RASGRF2: variants seen among roughly 807,000 people sequenced by gnomAD.
RASGRF2 encodes the protein ras-specific guanine nucleotide-releasing factor 2.
In RASGRF2, 76 loss-of-function variants were observed where a neutral mutation model predicts 151.0. The ratio of observed to expected loss-of-function variants is 0.50; its 90% CI spans 0.42 to 0.61. The LOEUF is 0.61. Ranked by LOEUF, RASGRF2 falls within the 20% of genes least tolerant of loss-of-function variation. The pLI, the probability that RASGRF2 is intolerant of heterozygous loss-of-function variation, is 0.00. For synonymous variants in RASGRF2, 504 were observed against 566.5 expected (o/e 0.89, Z 1.57); for missense variants, 1,148 against 1,564.6 (o/e 0.73, Z 4.49).
chr5:81,074,329 A>G (rs577433004), intron 5 of RASGRF2, among the ~76,000 whole-genome samples: 96 of 152,306 alleles, frequency 6.3e-4, no homozygotes, highest in Admixed American at 1.5e-3. Context: ...AGGGAATGGG[A>G]GAAGGGGGTC....
intron 15 of RASGRF2, among the ~76,000 whole-genome samples, chr5:81,116,064 T>TTC: frequency 8.7e-6 from 1 of 115,082 alleles, no homozygotes; most frequent in African/African-American, 3.8e-5. Flanking sequence ...TGAATGCCAT[T>TTC]TCTTTTTTTT....
At chr5:80,999,311 C>T (rs948569528) in intron 1 of RASGRF2, among the ~76,000 whole-genome samples, 7 of 152,008 alleles carry the variant, frequency 4.6e-5, no homozygotes, top group Non-Finnish European at 8.8e-5. Flanking sequence ...CCCAGAGCCA[C>T]CTCTCTCCTT....
At chr5:81,194,976 G>T (rs77519616) in intron 18 of RASGRF2, among the ~76,000 whole-genome samples, 1 of 152,170 alleles carries the variant, frequency 6.6e-6, no homozygotes, top group Non-Finnish European at 1.5e-5. Context: ...AGAGCAGGGC[G>T]GTTTCTTCGT....
chr5:80,964,350 G>T (rs924406425), intron 1 of RASGRF2, among the ~76,000 whole-genome samples: 2 of 152,164 alleles, frequency 1.3e-5, no homozygotes, highest in South Asian at 4.2e-4. Flanking sequence ...AAAACCTCCC[G>T]TTTTGTTCCA....
chr5:81,014,897 C>T (rs1279390199), intron 1 of RASGRF2, among the ~76,000 whole-genome samples: 1 of 151,740 alleles, frequency 6.6e-6, no homozygotes, highest in Non-Finnish European at 1.5e-5. Context: ...GTATAGATTC[C>T]TCTATAAAAA....
At chr5:81,007,500 T>C (rs1749310796) in intron 1 of RASGRF2, among the ~76,000 whole-genome samples, 1 of 152,096 alleles carries the variant, frequency 6.6e-6, no homozygotes, top group South Asian at 2.1e-4. Flanking sequence ...ACCAAGTGTT[T>C]AGAGAGCCCT....
At chr5:81,052,577 G>C (rs1463717015) in intron 2 of RASGRF2, among the ~76,000 whole-genome samples, 4 of 152,206 alleles carry the variant, frequency 2.6e-5, no homozygotes, top group Non-Finnish European at 4.4e-5. Context: ...TGTCAGTAGA[G>C]AGAAGACATT....
chr5:81,011,265 A>C (rs547755357), intron 1 of RASGRF2, among the ~76,000 whole-genome samples: 37 of 151,830 alleles, frequency 2.4e-4, no homozygotes, highest in African/African-American at 8.5e-4. Context: ...ATGTTGGTAC[A>C]TGTAGATCTA....
chr5:81,162,097 C>G (rs1754397940), intron 17 of RASGRF2, among the ~76,000 whole-genome samples: 1 of 151,588 alleles, frequency 6.6e-6, no homozygotes, highest in African/African-American at 2.4e-5. Context: ...CTCAAAAGTG[C>G]CTGATTTACT....
intron 1 of RASGRF2, among the ~76,000 whole-genome samples, chr5:80,988,369 T>C (rs1283255631): frequency 2.0e-5 from 3 of 152,134 alleles, no homozygotes; most frequent in African/African-American, 7.2e-5. Flanking sequence ...CTTTAATTAG[T>C]CTGCAAAGTC....
intron 5 of RASGRF2, among the ~76,000 whole-genome samples, chr5:81,077,022 A>G (rs1409100166): frequency 1.3e-5 from 2 of 152,214 alleles, no homozygotes; most frequent in Non-Finnish European, 2.9e-5. Context: ...TTGAAGCTGT[A>G]TACAAGGAAG....
intron 2 of RASGRF2, among the ~76,000 whole-genome samples, chr5:81,055,064 A>G (rs372305586): frequency 1.3e-5 from 2 of 152,178 alleles, no homozygotes; most frequent in Admixed American, 6.5e-5. Context: ...CAGTCATATC[A>G]TCTGCAAACG....
At chr5:81,167,147 G>C (rs1754531449) in intron 17 of RASGRF2, among the ~76,000 whole-genome samples, 1 of 152,216 alleles carries the variant, frequency 6.6e-6, no homozygotes, top group Non-Finnish European at 1.5e-5. Flanking sequence ...TCCATGGGTA[G>C]AGTGACGGAT....
intron 15 of RASGRF2, among the ~76,000 whole-genome samples, chr5:81,115,327 G>A (rs1281539277): frequency 6.6e-6 from 1 of 152,146 alleles, no homozygotes; most frequent in East Asian, 1.9e-4. Context: ...AAAGGGAGAA[G>A]ATAATTAAAA....
chr5:81,182,839 C>T (rs1754948478), intron 18 of RASGRF2, among the ~76,000 whole-genome samples: 1 of 152,158 alleles, frequency 6.6e-6, no homozygotes, highest in Admixed American at 6.5e-5. Flanking sequence ...TATCTTTATC[C>T]AAGTTTATCT....
intron 12 of RASGRF2, among the ~76,000 whole-genome samples, chr5:81,099,901 T>C (rs1752647584): frequency 7.6e-6 from 1 of 131,930 alleles, no homozygotes; most frequent in East Asian, 2.0e-4. Flanking sequence ...ACTATTTTTC[T>C]TTTTTCTTTT....
intron 1 of RASGRF2, among the ~76,000 whole-genome samples, chr5:81,041,478 A>G (rs2112391073): frequency 6.6e-6 from 1 of 152,320 alleles, no homozygotes; most frequent in Admixed American, 6.5e-5. Context: ...CATATTTTAC[A>G]TGAGAATTCT....
intron 5 of RASGRF2, among the ~76,000 whole-genome samples, chr5:81,076,266 C>T (rs374587376): frequency 2.6e-5 from 4 of 151,946 alleles, no homozygotes; most frequent in South Asian, 2.1e-4. Flanking sequence ...CAGGGTGGTA[C>T]CTAGAGGCAA....
At chr5:81,095,096 C>A in intron 12 of RASGRF2, 104 bp downstream of exon 12, 1 of 828,048 alleles carries the variant, frequency 1.2e-6, no homozygotes, top group Non-Finnish European at 1.7e-6. Flanking sequence ...AAATTACACT[C>A]AGTTGCTATG....
Sources: gnomAD v4.1 joint callset for allele counts (sites outside exome capture counted in the v4.1 genomes callset) on GRCh38, gnomAD v4.1.1 for gene constraint, MANE v1.5 for transcripts, NCBI Gene and HGNC (gene_info 2026-07-23, HGNC 2026-07-21) for gene names.